Variants in NGEF observed in about 807,000 individuals in gnomAD.
NGEF encodes the protein ephexin-1.
In NGEF, 31 loss-of-function variants were observed where a neutral mutation model predicts 80.9. The observed-to-expected ratio is 0.38, with a 90% CI of 0.29 to 0.52. The LOEUF is 0.52. Among genes scored for constraint, NGEF ranks in the 20% least tolerant of loss-of-function variants. NGEF has a pLI of 0.84. For synonymous variants in NGEF, 371 were observed against 370.2 expected (o/e 1.00, Z -0.03); for missense variants, 709 against 926.2 (o/e 0.77, Z 3.04).
chr2:232,980,341 G>T (rs1694387459), intron 1 of NGEF, among the ~76,000 whole-genome samples: 1 of 152,150 alleles, frequency 6.6e-6, no homozygotes, highest in Non-Finnish European at 1.5e-5. Flanking sequence ...TACTGCAGGG[G>T]AGGAAGGCAC....
At chr2:232,925,055 G>A (rs950752122) in intron 4 of NGEF, among the ~76,000 whole-genome samples, 1 of 152,188 alleles carries the variant, frequency 6.6e-6, no homozygotes, top group Non-Finnish European at 1.5e-5. Flanking sequence ...AATAGATCAG[G>A]CTTTCCTATT....
In NGEF at chr2:232,894,851, G is replaced by A; in HGVS notation, c.894C>T (p.His298=). Residue 298 remains histidine (H), a synonymous_variant, in exon 6 of 15, where the codon CAC becomes CAT. Coordinates refer to ENST00000264051, the MANE Select transcript of NGEF (RefSeq NM_019850.3). ...TCCTTATCCGCTCGTTCTCCATGAA[G>A]TGGGACACGAGCAGGTTCAGACTCT... ...YYKSLNLLVS[H]FMENERIRKI... The A allele has an allele frequency of 6.2e-7, 1 of 1,611,366 alleles. No homozygotes were observed. The highest frequency in any genetic ancestry group is 8.5e-7 in the Non-Finnish European group (1 of 1,178,626).
rs1004973220 is a variant in NGEF at position 232,960,834 on chromosome 2, C to T, written c.383+9380G>A. Among the ~76,000 whole-genome samples, 17 of 152,244 alleles carry T rather than the reference C, an allele frequency of 1.1e-4. No individual in the cohort carries two copies. In the South Asian group the frequency reaches 1.5e-3, roughly 13 times the overall value. ...CAGAGGTTGCAGTGAGCCAAGATCG[C>T]GCCACTGCACTCCAGCCTGGACAAC... On this transcript the variant is annotated intron_variant, in intron 3 of 14. Coordinates refer to ENST00000264051, the MANE Select transcript of NGEF (RefSeq NM_019850.3).
intron 8 of NGEF, among the ~76,000 whole-genome samples, chr2:232,889,538 A>G (rs143010126): frequency 2.9e-4 from 44 of 152,302 alleles, no homozygotes; most frequent in African/African-American, 1.0e-3. Flanking sequence ...CTAAGGTTTT[A>G]ATATATTCAT....
At chr2:232,967,970 C>T (rs557394471) in intron 3 of NGEF, among the ~76,000 whole-genome samples, 7 of 152,230 alleles carry the variant, frequency 4.6e-5, no homozygotes, top group Admixed American at 3.3e-4. Flanking sequence ...CATAGTGTGG[C>T]TTACAAAACA....
intron 1 of NGEF, among the ~76,000 whole-genome samples, chr2:232,982,002 C>G (rs1318999587): frequency 1.3e-5 from 2 of 152,166 alleles, no homozygotes; most frequent in Admixed American, 1.3e-4. Flanking sequence ...AGGGAAGTGG[C>G]AGAGCCCATT....
intron 1 of NGEF, among the ~76,000 whole-genome samples, chr2:232,982,243 T>C (rs905458479): frequency 9.2e-5 from 14 of 151,914 alleles, no homozygotes; most frequent in African/African-American, 3.1e-4. Flanking sequence ...TCCGTGGAGA[T>C]TGTGGGGTGT....
At chr2:232,981,436 T>C (rs955419358) in intron 1 of NGEF, among the ~76,000 whole-genome samples, 2 of 152,122 alleles carry the variant, frequency 1.3e-5, no homozygotes, top group Non-Finnish European at 2.9e-5. Context: ...CTGCAGCCTC[T>C]GACTCCAAGA....
At position 232,982,609 on chromosome 2, in the gene NGEF, G is replaced by A. The variant is rs182100320; in HGVS notation, c.-74-7645C>T. On this transcript the variant is annotated intron_variant, in intron 1 of 14. Transcript: ENST00000264051. ...GCTAACTGCAACCTCCACCTCCCGG[G>A]TTCAAGCGATTCTCCTGCCTCTGCC... is the stretch of plus-strand genomic sequence containing the variant. Among the ~76,000 whole-genome samples the A allele has an allele frequency of 2.0e-4, 30 of 152,320 alleles. 1 individual carries two copies. The East Asian group carries it at 5.8e-3, about 29-fold the overall frequency.
intron 1 of NGEF, among the ~76,000 whole-genome samples, chr2:232,978,785 T>C (rs1574650216): frequency 6.6e-6 from 1 of 152,150 alleles, no homozygotes; most frequent in African/African-American, 2.4e-5. Context: ...AGTGGTGCAG[T>C]AGAGGCTCAT....
At chr2:232,981,045 G>A (rs4973591) in intron 1 of NGEF, among the ~76,000 whole-genome samples, 46,247 of 151,164 alleles carry the variant, frequency 0.31, 7,668 homozygotes, top group East Asian at 0.62. Context: ...TCTCGCTATC[G>A]TCTTCTGCCT....
intron 1 of NGEF, among the ~76,000 whole-genome samples, chr2:233,009,459 C>T (rs1474682330): frequency 2.0e-5 from 3 of 152,106 alleles, no homozygotes; most frequent in African/African-American, 4.8e-5. Flanking sequence ...GCTGGGACTA[C>T]AGGACACCCC....
intron 3 of NGEF, among the ~76,000 whole-genome samples, chr2:232,965,010 T>C (rs12475850): frequency 0.45 from 68,365 of 152,156 alleles, 16,461 homozygotes; most frequent in Non-Finnish European, 0.53. Flanking sequence ...ACCCAAGATC[T>C]GAACATTTTA....
intron 3 of NGEF, among the ~76,000 whole-genome samples, chr2:232,933,263 A>G (rs921244489): frequency 2.6e-5 from 4 of 152,118 alleles, no homozygotes; most frequent in African/African-American, 9.7e-5. Context: ...TTAAACATTC[A>G]GTCCACAGCA....
intron 5 of NGEF, among the ~76,000 whole-genome samples, chr2:232,906,595 T>G: frequency 1.8e-5 from 1 of 54,706 alleles, no homozygotes; most frequent in African/African-American, 6.1e-5. Flanking sequence ...CCACCCCTAC[T>G]GGGAAGTGAG....
chr2:232,902,324 T>TCCAGAG (rs1476193521), intron 5 of NGEF, among the ~76,000 whole-genome samples: 2 of 151,992 alleles, frequency 1.3e-5, no homozygotes, highest in East Asian at 1.9e-4. Context: ...GAAGTCGGAC[T>TCCAGAG]CCAGAGCCAG....
intron 1 of NGEF, among the ~76,000 whole-genome samples, chr2:232,986,453 A>T (rs1694533476): frequency 6.6e-6 from 1 of 152,250 alleles, no homozygotes; most frequent in African/African-American, 2.4e-5. Flanking sequence ...GAATCAACCC[A>T]TATGTCCATC....
chr2:232,944,877 C>T (rs1693523793), intron 3 of NGEF, among the ~76,000 whole-genome samples: 1 of 151,350 alleles, frequency 6.6e-6, no homozygotes, highest in Non-Finnish European at 1.5e-5. Context: ...TCAGCCTCCC[C>T]AGTAGCTGGG....
intron 3 of NGEF, among the ~76,000 whole-genome samples, chr2:232,938,259 T>A (rs1351730178): frequency 6.6e-6 from 1 of 152,204 alleles, no homozygotes; most frequent in African/African-American, 2.4e-5. Context: ...AACATTGGAA[T>A]TTCCAAAGCA....
Sources: gnomAD v4.1 joint callset for allele counts (sites outside exome capture counted in the v4.1 genomes callset) on GRCh38, gnomAD v4.1.1 for gene constraint, MANE v1.5 for transcripts, NCBI Gene and HGNC (gene_info 2026-07-23, HGNC 2026-07-21) for gene names.